The following ADAM19 variants were observed in gnomAD, a reference collection of about 807,000 sequenced individuals.
ADAM19 encodes disintegrin and metalloproteinase domain-containing protein 19.
A neutral mutation model predicts 114.7 loss-of-function variants in ADAM19; 65 were observed. The observed-to-expected ratio is 0.57, with a 90% CI of 0.46 to 0.70. The LOEUF is 0.70. ADAM19 is among the 30% of genes least tolerant of loss of function. The pLI is 0.00. For synonymous variants in ADAM19, 466 were observed against 460.5 expected (o/e 1.01, Z -0.15); for missense variants, 1,063 against 1,204.7 (o/e 0.88, Z 1.74).
In ADAM19 at chr5:157,506,631, A is replaced by T. The variant is rs369879264; in HGVS notation, c.990+425T>A. On this transcript the variant is annotated intron_variant, in intron 10 of 22. Coordinates refer to ENST00000257527, the MANE Select transcript of ADAM19 (RefSeq NM_033274.5). ...ATGAAGAGTCAAAACAAATAGTCTC[A>T]TGAAGTCAGAGTGAATTTCAAAAGA... is the stretch of plus-strand genomic sequence containing the variant. Among the ~76,000 whole-genome samples the T allele has an allele frequency of 6.6e-5, 10 of 152,390 alleles. 1 individual carries two copies. The highest frequency in any genetic ancestry group is 6.5e-4 in the Admixed American group (10 of 15,310).
chr5:157,509,788 G>C (rs985869577), intron 8 of ADAM19, among the ~76,000 whole-genome samples: 1 of 152,122 alleles, frequency 6.6e-6, no homozygotes, highest in Non-Finnish European at 1.5e-5. Context: ...ACTGAGATAG[G>C]ACATAAAATT....
intron 3 of ADAM19, among the ~76,000 whole-genome samples, chr5:157,563,243 T>C (rs1757560500): frequency 6.6e-6 from 1 of 152,074 alleles, no homozygotes; most frequent in Non-Finnish European, 1.5e-5. Context: ...CAAAAATGAC[T>C]GTGATCCCCA....
chr5:157,509,413 G>T lies in ADAM19; in HGVS notation c.793C>A (p.His265Asn), dbSNP rs1470669699. 1 of 1,613,034 alleles carries T rather than the reference G, an allele frequency of 6.2e-7. No individual in the cohort carries two copies. Among genetic ancestry groups the T allele is most frequent in the African/African-American group, 1.3e-5 (1 of 74,920 alleles). Residue 265 changes from histidine (H) to asparagine (N), a missense_variant, in exon 9 of 23, where the codon CAC (histidine) becomes AAC (asparagine). His to Asn is a moderately conservative substitution (Grantham distance 68, BLOSUM62 1). Transcript: ENST00000257527. ...TCTGAAACTTCACACATGTTCCCGT[G>T]GGTCCACACTTCCAAGCCCACGAGA... ...IALVGLEVWT[H>N]GNMCEVSENP...
At chr5:157,494,324 G>A (rs970922234) in intron 15 of ADAM19, among the ~76,000 whole-genome samples, 2 of 152,100 alleles carry the variant, frequency 1.3e-5, no homozygotes, top group South Asian at 2.1e-4. Context: ...TGGTTGGAAT[G>A]AATGATGAAT....
In ADAM19 at chr5:157,499,642, G is replaced by A. The variant is rs1357481281; in HGVS notation, c.1329C>T (p.Cys443=). 6.2e-7 allele frequency: 1 copy of A among 1,612,274 alleles called. No homozygotes were observed. Among genetic ancestry groups the A allele is most frequent in the African/African-American group, 1.3e-5 (1 of 74,868 alleles). The change falls in exon 13 of 23, where the codon TGC becomes TGT. Residue 443 remains cysteine, a synonymous_variant. Coordinates refer to ENST00000257527, the MANE Select transcript of ADAM19 (RefSeq NM_033274.5). ...GCCTCAGGGTACAATTAGAGGCATTGCAGCAGGGGTTGTTACATTCCTGGG... is the reference window on the plus strand; with the variant it reads ...GCCTCAGGGTACAATTAGAGGCATTACAGCAGGGGTTGTTACATTCCTGGG... ...GEEEECNNPC[C]NASNCTLRPG...
At chr5:157,557,868 A>G (rs370133065) in intron 3 of ADAM19, among the ~76,000 whole-genome samples, 308 of 152,354 alleles carry the variant, frequency 2.0e-3, no homozygotes, top group African/African-American at 7.1e-3. Context: ...CTTGGGGACT[A>G]GGACTTCAAC....
chr5:157,543,999 A>C (rs934671873), intron 3 of ADAM19, among the ~76,000 whole-genome samples: 2 of 152,146 alleles, frequency 1.3e-5, no homozygotes, highest in Non-Finnish European at 2.9e-5. Flanking sequence ...TACTCATTCC[A>C]CCTCTGACTC....
intron 7 of ADAM19, among the ~76,000 whole-genome samples, chr5:157,516,245 C>T (rs973242085): frequency 9.9e-5 from 15 of 152,266 alleles, no homozygotes; most frequent in African/African-American, 3.4e-4. Context: ...AAGCCTTCAG[C>T]GGAGGGGTGT....
At chr5:157,506,088 T>TA (rs1755732789) in intron 10 of ADAM19, among the ~76,000 whole-genome samples, 1 of 152,120 alleles carries the variant, frequency 6.6e-6, no homozygotes, top group Non-Finnish European at 1.5e-5. Context: ...TCAGAATAAA[T>TA]AAAAGAGGAA....
chr5:157,566,285 A>G (rs1275933007), intron 2 of ADAM19: 3 of 152,174 alleles, frequency 2.0e-5, no homozygotes, highest in Non-Finnish European at 2.9e-5. Context: ...CACAATAATC[A>G]TTAGTCATAA....
At chr5:157,562,108 C>T (rs766265966) in intron 3 of ADAM19, among the ~76,000 whole-genome samples, 2 of 152,096 alleles carry the variant, frequency 1.3e-5, no homozygotes, top group Non-Finnish European at 2.9e-5. Flanking sequence ...CGGACTCGCA[C>T]GCACCATGAA....
At position 157,489,129 on chromosome 5, in the gene ADAM19, C is replaced by T; in HGVS notation, c.2298G>A (p.Lys766=). The T allele has an allele frequency of 6.2e-7, 1 of 1,614,166 alleles. No individual in the cohort carries two copies. The highest frequency in any genetic ancestry group is 8.5e-7 in the Non-Finnish European group (1 of 1,180,014). The part of the protein sequence containing the change: ...SGTGHANPTF[K]LQTPQGKRKV... ...TTCGCTTGCCCTGGGGCGTCTGCAG[C>T]TTGAAAGTTGGGTTGGCATGACCAG... Residue 766 remains lysine, a synonymous_variant, in exon 20 of 23, where the codon AAG becomes AAA. Transcript: ENST00000257527.
chr5:157,517,488 T>A (rs1756126957), intron 7 of ADAM19, among the ~76,000 whole-genome samples: 1 of 152,220 alleles, frequency 6.6e-6, no homozygotes, highest in Non-Finnish European at 1.5e-5. Context: ...TAGGCAAATA[T>A]GGGCTCTGGG....
At chr5:157,486,861 T>A (rs549981974) in intron 21 of ADAM19, among the ~76,000 whole-genome samples, 1 of 151,810 alleles carries the variant, frequency 6.6e-6, no homozygotes, top group South Asian at 2.1e-4. Context: ...TATTTAGAGA[T>A]AAGGTCTTTA....
intron 21 of ADAM19, among the ~76,000 whole-genome samples, chr5:157,487,006 G>A (rs1483052015): frequency 1.3e-5 from 2 of 152,130 alleles, no homozygotes; most frequent in Non-Finnish European, 2.9e-5. Flanking sequence ...CAAGAGGGCG[G>A]CCACCTGCAA....
intron 12 of ADAM19, among the ~76,000 whole-genome samples, chr5:157,501,646 G>C (rs184522023): frequency 1.3e-3 from 205 of 152,172 alleles, no homozygotes; most frequent in African/African-American, 4.5e-3. Flanking sequence ...CTTTCTGATG[G>C]GTCTGTGTTG....
At chr5:157,574,678 GA>G (rs1299790333) in intron 1 of ADAM19, among the ~76,000 whole-genome samples, 5 of 152,182 alleles carry the variant, frequency 3.3e-5, no homozygotes, top group African/African-American at 1.2e-4. Flanking sequence ...CATAATGAGA[GA>G]ACCCGGGCAC....
intron 5 of ADAM19, among the ~76,000 whole-genome samples, chr5:157,524,444 A>G (rs977916935): frequency 1.3e-5 from 2 of 152,258 alleles, no homozygotes; most frequent in Non-Finnish European, 2.9e-5. Flanking sequence ...TAACCCCTGC[A>G]TAACTGAAGG....
chr5:157,508,148 C>G (rs1755804556), intron 9 of ADAM19, among the ~76,000 whole-genome samples: 1 of 152,184 alleles, frequency 6.6e-6, no homozygotes. Flanking sequence ...TCTACATGTT[C>G]CAAAGTTCAG....
Sources: gnomAD v4.1 joint callset for allele counts (sites outside exome capture counted in the v4.1 genomes callset) on GRCh38, gnomAD v4.1.1 for gene constraint, MANE v1.5 for transcripts, NCBI Gene and HGNC (gene_info 2026-07-23, HGNC 2026-07-21) for gene names.